DCC: variants seen among roughly 807,000 people sequenced by gnomAD.
The protein encoded by DCC is netrin receptor DCC.
Under a neutral mutation model 172.5 loss-of-function variants are expected in DCC, and 58 were observed. That is an observed-to-expected ratio of 0.34 (90% CI 0.27 to 0.42). The LOEUF is 0.42. DCC is among the 10% of genes least tolerant of loss of function. The pLI is 1.00. For synonymous variants in DCC, 709 were observed against 644.5 expected, an observed-to-expected ratio of 1.10 and a Z score of -1.52; for missense variants, 1,740 against 1,791.0, an observed-to-expected ratio of 0.97 and a Z score of 0.51.
At chr18:52,920,365 T>G (rs568782117) in intron 3 of DCC, among the ~76,000 whole-genome samples, 64 of 151,826 alleles carry the variant, frequency 4.2e-4, no homozygotes, top group African/African-American at 1.4e-3. Flanking sequence ...AGGAAAGAAA[T>G]AAATTTAAAA....
chr18:52,764,976 CT>C (rs1382122521), intron 2 of DCC, among the ~76,000 whole-genome samples: 8 of 151,962 alleles, frequency 5.3e-5, no homozygotes, highest in Middle Eastern at 3.4e-3. Flanking sequence ...GCCTAAATGT[CT>C]TTTAGCATCT....
chr18:52,974,423 G>T (rs963218505), intron 5 of DCC, among the ~76,000 whole-genome samples: 1 of 152,180 alleles, frequency 6.6e-6, no homozygotes, highest in Non-Finnish European at 1.5e-5. Context: ...CATTTTGTTG[G>T]TTGACGGAGC....
intron 1 of DCC, among the ~76,000 whole-genome samples, chr18:52,500,367 A>T (rs1408100828): frequency 6.6e-6 from 1 of 152,148 alleles, no homozygotes. Context: ...TGAAAGAGTG[A>T]TCTCTTAGGG....
intron 2 of DCC, among the ~76,000 whole-genome samples, chr18:52,754,800 C>A (rs1445507427): frequency 6.6e-6 from 1 of 152,224 alleles, no homozygotes; most frequent in African/African-American, 2.4e-5. Context: ...TGGGAAGCCA[C>A]CTCAGTGCCA....
chr18:52,490,041 C>T (rs933167231), intron 1 of DCC, among the ~76,000 whole-genome samples: 2 of 152,184 alleles, frequency 1.3e-5, no homozygotes, highest in South Asian at 2.1e-4. Flanking sequence ...AGTCCTTCTA[C>T]GGTTTTTTGA....
chr18:52,732,899 G>A (rs1022259013), intron 1 of DCC, among the ~76,000 whole-genome samples: 14 of 152,068 alleles, frequency 9.2e-5, no homozygotes, highest in African/African-American at 2.9e-4. Flanking sequence ...TAGTAGTTAC[G>A]TTCATGCTGT....
At chr18:53,128,870 C>CACACATATATATATATATATATAT (rs1300738812) in intron 7 of DCC, among the ~76,000 whole-genome samples, 1 of 77,478 alleles carries the variant, frequency 1.3e-5, no homozygotes, top group Non-Finnish European at 2.3e-5. Context: ...CACACACACA[C>CACACATATATATATATATATATAT]ATATATATAT....
chr18:52,753,892 A>G (rs934862718), intron 2 of DCC, among the ~76,000 whole-genome samples: 2 of 152,062 alleles, frequency 1.3e-5, no homozygotes, highest in Non-Finnish European at 1.5e-5. Flanking sequence ...TTTGACCAAA[A>G]CCTGTCTTTT....
intron 1 of DCC, among the ~76,000 whole-genome samples, chr18:52,734,073 A>G (rs1330989136): frequency 2.0e-5 from 3 of 151,982 alleles, no homozygotes; most frequent in Non-Finnish European, 2.9e-5. Context: ...TAAAAGAGTA[A>G]TAAGTAGGTG....
At chr18:52,836,782 C>T (rs1456034126) in intron 2 of DCC, among the ~76,000 whole-genome samples, 5 of 152,142 alleles carry the variant, frequency 3.3e-5, no homozygotes, top group Admixed American at 3.3e-4. Flanking sequence ...AGGATGGTGG[C>T]CCTCTTCTCA....
intron 20 of DCC, among the ~76,000 whole-genome samples, chr18:53,415,179 C>CTGATTTG (rs1910235096): frequency 6.6e-6 from 1 of 152,256 alleles, no homozygotes; most frequent in South Asian, 2.1e-4. Context: ...TATAATAGCG[C>CTGATTTG]CACATCTGAT....
intron 25 of DCC, among the ~76,000 whole-genome samples, chr18:53,473,684 A>G (rs974788599): frequency 1.3e-4 from 20 of 152,228 alleles, no homozygotes; most frequent in Non-Finnish European, 2.8e-4. Context: ...ACAGCGACTC[A>G]GACAGCTTAA....
At chr18:52,412,035 C>A (rs2144405355) in intron 1 of DCC, among the ~76,000 whole-genome samples, 1 of 152,246 alleles carries the variant, frequency 6.6e-6, no homozygotes, top group Admixed American at 6.6e-5. Flanking sequence ...CCCACATCTT[C>A]CTTAAAGAAC....
At chr18:53,084,004 G>C (rs1008671134) in intron 7 of DCC, among the ~76,000 whole-genome samples, 1 of 152,168 alleles carries the variant, frequency 6.6e-6, no homozygotes, top group Admixed American at 6.5e-5. Context: ...ATAGATGTAA[G>C]GGAGTAGTGT....
chr18:52,832,605 A>G (rs750054099), intron 2 of DCC, among the ~76,000 whole-genome samples: 2 of 152,140 alleles, frequency 1.3e-5, no homozygotes, highest in Non-Finnish European at 2.9e-5. Flanking sequence ...CAGTTTCAAT[A>G]TTAAGTTTGG....
At chr18:52,928,397 C>A (rs1274535491) in intron 5 of DCC, among the ~76,000 whole-genome samples, 1 of 152,034 alleles carries the variant, frequency 6.6e-6, no homozygotes, top group Admixed American at 6.6e-5. Context: ...TGCAACTTAT[C>A]TATATAACAA....
intron 2 of DCC, among the ~76,000 whole-genome samples, chr18:52,803,318 G>T (rs565306498): frequency 6.6e-6 from 1 of 152,118 alleles, no homozygotes; most frequent in Non-Finnish European, 1.5e-5. Context: ...AGCATCACAC[G>T]GCATTTTAAG....
intron 7 of DCC, among the ~76,000 whole-genome samples, chr18:53,130,647 T>G (rs1023959404): frequency 6.6e-6 from 1 of 152,040 alleles, no homozygotes; most frequent in East Asian, 1.9e-4. Context: ...ATTGTCTTGT[T>G]TTCAACCCCT....
intron 2 of DCC, among the ~76,000 whole-genome samples, chr18:52,799,443 GA>G (rs1011777036): frequency 1.1e-4 from 16 of 152,062 alleles, no homozygotes; most frequent in Middle Eastern, 3.4e-3. Context: ...ATGAGAAGGT[GA>G]AAAAAAGGGA....
Sources: gnomAD v4.1 joint callset for allele counts (sites outside exome capture counted in the v4.1 genomes callset) on GRCh38, gnomAD v4.1.1 for gene constraint, MANE v1.5 for transcripts, NCBI Gene and HGNC (gene_info 2026-07-23, HGNC 2026-07-21) for gene names.